The following KISS1 variants were observed in gnomAD, a reference collection of about 807,000 sequenced individuals.
The protein encoded by KISS1 is KiSS-1 metastasis suppressor, also known as metastasis-suppressor KiSS-1.
For missense variants in KISS1, 182 were observed against 182.7 expected (o/e 1.00, Z 0.02); for synonymous variants, 97 against 88.7 (o/e 1.09, Z -0.52).
chr1:204,190,426 C>T lies in KISS1; in HGVS notation c.*58G>A, dbSNP rs1658711894. 5.3e-6 allele frequency: 5 copies of T among 950,720 alleles called. No individual in the cohort carries two copies. Among genetic ancestry groups the T allele is most frequent in the African/African-American group, 1.7e-5 (1 of 58,516 alleles). 58.9% of individuals were successfully genotyped at this position (950,720 alleles called of 1,614,324 possible). ...GCCCTACGTCCCCGCCCCCCGCCCC[C>T]GCCCCGCATGCTCTGACTCCTTTGG... On this transcript the variant is annotated 3_prime_UTR_variant, in exon 3 of 3. Transcript: ENST00000367194.
At chr1:204,190,878 C>T in intron 2 of KISS1, 81 bp from the exon 3 acceptor site, 2 of 1,210,356 alleles carry the variant, frequency 1.7e-6, no homozygotes, top group East Asian at 2.5e-5. Flanking sequence ...CCATCCTATC[C>T]TTCTTTTCCT....
At chr1:204,191,774 C>A (rs147720365) in intron 2 of KISS1, among the ~76,000 whole-genome samples, 8 of 152,336 alleles carry the variant, frequency 5.3e-5, no homozygotes, top group Non-Finnish European at 8.8e-5. Context: ...CAGGGCCTGG[C>A]TGAGGTAGGA....
Position 204,192,670 on chromosome 1 carries a change from G to T in KISS1, c.103+104C>A. 1.3e-6 allele frequency: 1 copy of T among 750,630 alleles called. No homozygotes were observed. The highest frequency in any genetic ancestry group is 2.4e-6 in the Non-Finnish European group (1 of 419,474). The allele number at this position is 750,630 out of a possible 1,614,324, so 46.5% of individuals were successfully genotyped here. Reference sequence around the variant, plus strand: ...TGCCAGTCTTAGATTTCCACCAAATGCAATGTTAAACTCACACCAGTCGAC... The same window carrying T: ...TGCCAGTCTTAGATTTCCACCAAATTCAATGTTAAACTCACACCAGTCGAC... On this transcript the variant is annotated intron_variant, in intron 2 of 2. Transcript: ENST00000367194. This position sits in a 1 kb window ranked among gnomAD's most constrained non-coding sequence, Gnocchi z 4.2.
intron 2 of KISS1, among the ~76,000 whole-genome samples, chr1:204,191,326 G>A (rs1223345036): frequency 6.6e-6 from 1 of 152,126 alleles, no homozygotes; most frequent in Non-Finnish European, 1.5e-5. Flanking sequence ...TCCAACACTC[G>A]TCTTTGATAA....
intron 1 of KISS1, among the ~76,000 whole-genome samples, chr1:204,195,644 CAT>C (rs1658844043): frequency 6.6e-6 from 1 of 151,328 alleles, no homozygotes; most frequent in African/African-American, 2.4e-5. Context: ...CATACACACA[CAT>C]ACACCACATA....
chr1:204,194,802 G>T (rs1395124628), intron 1 of KISS1, among the ~76,000 whole-genome samples: 1 of 152,104 alleles, frequency 6.6e-6, no homozygotes, highest in Non-Finnish European at 1.5e-5. Context: ...TGAAGCAAGG[G>T]CAGGGGCTGA....
chr1:204,190,409 TCCCCGCCCCCCGC>T lies in KISS1; in HGVS notation c.*62_*74del. 1.8e-6 allele frequency: 1 copy of T among 570,126 alleles called. No homozygotes were observed. Among genetic ancestry groups the T allele is most frequent in the Non-Finnish European group, 3.1e-6 (1 of 320,576 alleles). The allele number at this position is 570,126 out of a possible 1,614,324, so 35.3% of individuals were successfully genotyped here. A position where few individuals can be genotyped will look rare whatever the true frequency, so the allele number is the denominator to read the frequency against. On this transcript the variant is annotated 3_prime_UTR_variant, in exon 3 of 3. Coordinates refer to ENST00000367194, the MANE Select transcript of KISS1 (RefSeq NM_002256.4). ...CAGCGCCCCCTCCCTTAGCCCTACG[TCCCCGCCCCCCGC>T]CCCCGCCCCGCATGCTCTGACTCCT...
In KISS1 at chr1:204,192,264, G is replaced by A. The variant is rs543229872; in HGVS notation, c.103+510C>T. Among the ~76,000 whole-genome samples, 1 of 152,098 alleles carries A rather than the reference G, an allele frequency of 6.6e-6. No individual in the cohort carries two copies. Among genetic ancestry groups the A allele is most frequent in the African/African-American group, 2.4e-5 (1 of 41,412 alleles). On this transcript the variant is annotated intron_variant, in intron 2 of 2. Coordinates refer to ENST00000367194, the MANE Select transcript of KISS1 (RefSeq NM_002256.4). This position sits in a 1 kb window ranked among gnomAD's most constrained non-coding sequence, Gnocchi z 4.2. ...TGCTGGGTTTCCACAGTGTTTGAGC[G>A]ACTCTGGGGAAATCTCTTTACCTCT...
chr1:204,190,675 CG>C lies in KISS1; in HGVS notation c.225del (p.Glu76ArgfsTer71). ...SRRGTSLSPPPESSGSPQQPG... is the reference protein window; with the variant it reads ...SRRGTSLSPPXESSGSPQQPG... ...GGCTGCTGGGGGCTCCCGGAGCTCTCGGGGGGCGGGGACAGCGAGGTCCCCC... is the reference window on the plus strand; with the variant it reads ...GGCTGCTGGGGGCTCCCGGAGCTCTCGGGGGCGGGGACAGCGAGGTCCCCC... On this transcript the variant is annotated frameshift_variant, in exon 3 of 3. Coordinates refer to ENST00000367194, the MANE Select transcript of KISS1 (RefSeq NM_002256.4). LOFTEE classifies it low-confidence loss of function (END_TRUNC). 6.3e-7 allele frequency: 1 copy of C among 1,590,124 alleles called. No individual in the cohort carries two copies.
At chr1:204,195,211 A>C in intron 1 of KISS1, among the ~76,000 whole-genome samples, 2 of 882 alleles carry the variant, frequency 2.3e-3, no homozygotes, top group Non-Finnish European at 5.1e-3. Context: ...ACACATATAT[A>C]CGCACACACC....
intron 1 of KISS1, among the ~76,000 whole-genome samples, chr1:204,195,313 T>TCATACACACACACACCACACACACCAC (rs1558254800): frequency 4.8e-3 from 18 of 3,724 alleles, no homozygotes; most frequent in Admixed American, 7.9e-3. Flanking sequence ...TACACACACA[T>TCATACACACACACACCACACACACCAC]ACACATATGC....
In KISS1 at chr1:204,192,644, G is replaced by T; in HGVS notation, c.103+130C>A. 1.4e-6 allele frequency: 1 copy of T among 704,230 alleles called. No homozygotes were observed. Among genetic ancestry groups the T allele is most frequent in the Non-Finnish European group, 2.6e-6 (1 of 383,988 alleles). The allele number at this position is 704,230 out of a possible 1,614,324, so 43.6% of individuals were successfully genotyped here. Reference sequence around the variant, plus strand: ...AGGACCCCCTCAATGAGTTGCATGTGTGCCAGTCTTAGATTTCCACCAAAT... The same window carrying T: ...AGGACCCCCTCAATGAGTTGCATGTTTGCCAGTCTTAGATTTCCACCAAAT... On this transcript the variant is annotated intron_variant, in intron 2 of 2. Transcript: ENST00000367194. This position sits in a 1 kb window ranked among gnomAD's most constrained non-coding sequence, Gnocchi z 4.2.
At chr1:204,190,936 C>T (rs1658733322) in intron 2 of KISS1, 139 bp from the exon 3 acceptor site, 1 of 688,592 alleles carries the variant, frequency 1.5e-6, no homozygotes, top group Non-Finnish European at 2.5e-6. Context: ...CGAACCAGCA[C>T]GATCACCTTA....
rs185418452 is a variant in KISS1 at position 204,191,976 on chromosome 1, C to T, written c.103+798G>A. 4.9e-3 allele frequency among the ~76,000 whole-genome samples: 750 copies of T among 152,338 alleles called. 5 individuals carry two copies. The highest frequency in any genetic ancestry group is 8.2e-3 in the Non-Finnish European group (557 of 68,036). On this transcript the variant is annotated intron_variant, in intron 2 of 2. Coordinates refer to ENST00000367194, the MANE Select transcript of KISS1 (RefSeq NM_002256.4). ...ACGCCTGATCCCAGGACAGAAGACA[C>T]GCTTGGCAAACGACACCCGGGGCCG...
In KISS1 at chr1:204,192,038, C is replaced by A. The variant is rs959871617; in HGVS notation, c.103+736G>T. Among the ~76,000 whole-genome samples, 2 of 152,160 alleles carry A rather than the reference C, an allele frequency of 1.3e-5. No individual in the cohort carries two copies. Among genetic ancestry groups the A allele is most frequent in the African/African-American group, 4.8e-5 (2 of 41,426 alleles). The stretch of plus-strand genomic sequence containing the variant: ...CTCTGGAAGGTCTTATGGGCATATA[C>A]GATGACATCAAATGTGTAGAGGGCA... On this transcript the variant is annotated intron_variant, in intron 2 of 2. Transcript: ENST00000367194. This position sits in a 1 kb window ranked among gnomAD's most constrained non-coding sequence, Gnocchi z 4.2.
In KISS1 at chr1:204,192,925, G is replaced by T; in HGVS notation, c.-38-11C>A. ...AGAAGTGCCTTGAGGCTGAGACAGA[G>T]AGAGGGAACAAAGACTAGGTCAGGC... On this transcript the variant is annotated splice_polypyrimidine_tract_variant and intron_variant, in intron 1 of 2. Coordinates refer to ENST00000367194, the MANE Select transcript of KISS1 (RefSeq NM_002256.4). This position sits in a 1 kb window ranked among gnomAD's most constrained non-coding sequence, Gnocchi z 4.2. 2 of 1,289,616 alleles carry T rather than the reference G, an allele frequency of 1.6e-6. No individual in the cohort carries two copies. The highest frequency in any genetic ancestry group is 1.3e-5 in the South Asian group (1 of 79,142). The allele number at this position is 1,289,616 out of a possible 1,614,324, so 79.9% of individuals were successfully genotyped here. A position where few individuals can be genotyped will look rare whatever the true frequency, so the allele number is the denominator to read the frequency against.
intron 1 of KISS1, among the ~76,000 whole-genome samples, chr1:204,195,356 CATA>C (rs1658834103): frequency 6.8e-6 from 1 of 147,480 alleles, no homozygotes; most frequent in Admixed American, 6.8e-5. Context: ...ACACCACACA[CATA>C]TACACACATA....
Position 204,190,389 on chromosome 1 carries a change from C to A in KISS1, c.*95G>T. ...TTGCCTCGGGTTGGAAGCTCCAGCG[C>A]CCCCTCCCTTAGCCCTACGTCCCCG... is the stretch of plus-strand genomic sequence containing the variant. On this transcript the variant is annotated 3_prime_UTR_variant, in exon 3 of 3. Transcript: ENST00000367194. The A allele has an allele frequency of 8.7e-7, 1 of 1,148,662 alleles. No individual in the cohort carries two copies. The highest frequency in any genetic ancestry group is 1.3e-6 in the Non-Finnish European group (1 of 798,134). The allele number at this position is 1,148,662 out of a possible 1,614,324, so 71.2% of individuals were successfully genotyped here. A position where few individuals can be genotyped will look rare whatever the true frequency, so the allele number is the denominator to read the frequency against.
chr1:204,195,319 TATGCCACAC>T (rs1658831504), intron 1 of KISS1, among the ~76,000 whole-genome samples: 12 of 3,828 alleles, frequency 3.1e-3, no homozygotes, highest in South Asian at 6.8e-3. Flanking sequence ...CACATACACA[TATGCCACAC>T]ACACCACACA....
Sources: allele counts gnomAD v4.1 joint callset (sites outside exome capture counted in the v4.1 genomes callset), GRCh38; gene constraint gnomAD v4.1.1; non-coding constraint Gnocchi (gnomAD v3.1); transcripts MANE v1.5; gene names NCBI Gene and HGNC (gene_info 2026-07-23, HGNC 2026-07-21).